CIC: variants seen among roughly 807,000 people sequenced by gnomAD.
The protein encoded by CIC is capicua transcriptional repressor.
In CIC, 18 loss-of-function variants were observed where a neutral mutation model predicts 115.7. The ratio of observed to expected loss-of-function variants is 0.16; its 90% CI spans 0.11 to 0.23. The LOEUF is 0.23. Ranked by LOEUF, CIC falls within the 10% of genes least tolerant of loss-of-function variation. The pLI, the probability that CIC is intolerant of heterozygous loss-of-function variation, is 1.00. For missense variants in CIC, 2,000 were observed against 2,159.3 expected, an observed-to-expected ratio of 0.93 and a Z score of 1.46; for synonymous variants, 1,076 against 923.0, an observed-to-expected ratio of 1.17 and a Z score of -3.01.
At position 42,291,640 on chromosome 19, in the gene CIC, C is replaced by T. The variant is rs61745381; in HGVS notation, c.5508C>T (p.Ala1836=). 995 of 1,612,970 alleles carry T rather than the reference C, an allele frequency of 6.2e-4. 6 individuals carry two copies. The African/African-American group carries it at 0.011, about 17-fold the overall frequency. Residue 1836 remains alanine (A), a synonymous_variant, in exon 12 of 21, where the codon GCC becomes GCT. Coordinates refer to ENST00000681038, the MANE Select transcript of CIC (RefSeq NM_001386298.1). ...CTGGGAAGGTCCTAGTGCCTCTGGCCGCCCCTAGCATGTCAGTGCGGGGTG... is the reference window on the plus strand; with the variant it reads ...CTGGGAAGGTCCTAGTGCCTCTGGCTGCCCCTAGCATGTCAGTGCGGGGTG... ...LLPGKVLVPL[A]APSMSVRGGG...
rs745875948 is a variant in CIC at position 42,272,188 on chromosome 19, G to A, written c.405G>A (p.Gly135=). 2.8e-5 allele frequency: 11 copies of A among 398,870 alleles called. No individual in the cohort carries two copies. Among genetic ancestry groups the A allele is most frequent in the African/African-American group, 1.6e-4 (8 of 48,640 alleles). 24.7% of individuals were successfully genotyped at this position (398,870 alleles called of 1,614,324 possible). Residue 135 remains glycine (G), a synonymous_variant, in exon 2 of 21, where the codon GGG becomes GGA. Transcript: ENST00000681038. ...GAGCTGGCAGCAGTGGGGTGGCTGG[G>A]GCCCCTGAAGAGCGGGTGCGGACCC... ...EHGAGSSGVA[G]APEERVRTPE...
At chr19:42,279,063 T>C (rs775055919) in intron 2 of CIC, among the ~76,000 whole-genome samples, 10 of 152,206 alleles carry the variant, frequency 6.6e-5, no homozygotes, top group Non-Finnish European at 1.3e-4. Flanking sequence ...CCAGCTTCAT[T>C]GAAAGGAGTC....
At position 42,290,685 on chromosome 19, in the gene CIC, G is replaced by C. The variant is rs771715259; in HGVS notation, c.4644G>C (p.Glu1548Asp). 1.9e-6 allele frequency: 3 copies of C among 1,613,140 alleles called. No homozygotes were observed. Among genetic ancestry groups the C allele is most frequent in the Non-Finnish European group, 8.5e-7 (1 of 1,179,936 alleles). Residue 1548 changes from glutamate to aspartate, a missense_variant, in exon 11 of 21, where the codon GAG becomes GAC. Around this residue, in one of 8 missense-constraint regions of CIC, gnomAD observed 1,466 missense variants for 1,390.4 expected, o/e 1.05. Transcript: ENST00000681038. The part of the protein sequence containing the change: ...QTLVLPPNKE[E>D]QEGGGARVPS... The stretch of plus-strand genomic sequence containing the variant: ...TGGTGCTGCCCCCAAACAAGGAGGA[G>C]CAAGAGGGCGGCGGAGCCAGAGTGC...
rs75731187 is a variant in CIC, at chr19:42,288,736, G to T, written c.3659-152G>T. The T allele has an allele frequency of 8.7e-4, 638 of 737,174 alleles. 7 individuals are homozygous for T. The East Asian group carries it at 0.015, about 18-fold the overall frequency. The allele number at this position is 737,174 out of a possible 1,614,324, so 45.7% of individuals were successfully genotyped here. On this transcript the variant is annotated intron_variant, in intron 7 of 20. Transcript: ENST00000681038. ...TCAGCAGGAATGAGATGCTGGACTGGTGGTGGGTGGTGGTTTTTTTTTTTC... is the reference window on the plus strand; with the variant it reads ...TCAGCAGGAATGAGATGCTGGACTGTTGGTGGGTGGTGGTTTTTTTTTTTC...
rs764227616 is a variant in CIC at position 42,291,464 on chromosome 19, A to G, written c.5423A>G (p.Lys1808Arg). ...LQSVPSAPPP[K>R]AQSVSPVQAP... ...TCTGTACCCTCCGCCCCACCCCCCA[A>G]AGGTGAGACCTGGGCCGGGCAGCAC... The change falls in exon 11 of 21, where the codon AAA (lysine) becomes AGA (arginine). Residue 1808 changes from lysine (K) to arginine (R), a missense_variant and splice_region_variant. Coordinates refer to ENST00000681038, the MANE Select transcript of CIC (RefSeq NM_001386298.1). 2 of 1,612,940 alleles carry G rather than the reference A, an allele frequency of 1.2e-6. No homozygotes were observed. Among genetic ancestry groups the G allele is most frequent in the East Asian group, 2.2e-5 (1 of 44,864 alleles).
rs1275919232 is a variant in CIC at position 42,290,869 on chromosome 19, C to G, written c.4828C>G (p.Pro1610Ala). 1 of 1,612,838 alleles carries G rather than the reference C, an allele frequency of 6.2e-7. No homozygotes were observed. The highest frequency in any genetic ancestry group is 8.5e-7 in the Non-Finnish European group (1 of 1,179,730). ...CACCTCTGGCCGGGCTGAGGCGTCTCCAAATGACACAGCAGGTGCCAGGAC... is the reference window on the plus strand; with the variant it reads ...CACCTCTGGCCGGGCTGAGGCGTCTGCAAATGACACAGCAGGTGCCAGGAC... The part of the protein sequence containing the change: ...FPTSGRAEAS[P>A]NDTAGARTEM... Residue 1610 changes from proline to alanine, a missense_variant, in exon 11 of 21, where the codon CCA (proline) becomes GCA (alanine). By Grantham distance (27) the Pro-to-Ala change is conservative. This residue lies in a region of CIC where 1,466 missense variants were observed against 1,390.4 expected (regional missense o/e 1.05). Transcript: ENST00000681038.
rs1195813886 is a variant in CIC at position 42,295,270 on chromosome 19, C to T, written c.*79C>T. On this transcript the variant is annotated 3_prime_UTR_variant, in exon 21 of 21. Coordinates refer to ENST00000681038, the MANE Select transcript of CIC (RefSeq NM_001386298.1). Reference sequence around the variant, plus strand: ...TATGTGGGGGCAGGAAGGTTATCTCCTCCCGGGTAAAGCCATTTCGTCCTC... The same window carrying T: ...TATGTGGGGGCAGGAAGGTTATCTCTTCCCGGGTAAAGCCATTTCGTCCTC... 3 of 1,305,144 alleles carry T rather than the reference C, an allele frequency of 2.3e-6. No individual in the cohort carries two copies. The highest frequency in any genetic ancestry group is 1.5e-5 in the African/African-American group (1 of 68,276). 80.8% of individuals were successfully genotyped at this position (1,305,144 alleles called of 1,614,324 possible). A position where few individuals can be genotyped will look rare whatever the true frequency, so the allele number is the denominator to read the frequency against.
In CIC at chr19:42,293,579, A is replaced by G. The variant is rs774942635; in HGVS notation, c.6523-13A>G. ...CTCAGTGTTCGCCATCTCCCTGCCC[A>G]TCTCCACCCCAGGCCAGCAAATTCC... On this transcript the variant is annotated splice_polypyrimidine_tract_variant and intron_variant, in intron 16 of 20. Transcript: ENST00000681038. 19 of 1,613,620 alleles carry G rather than the reference A, an allele frequency of 1.2e-5. No homozygotes were observed. The highest frequency in any genetic ancestry group is 1.7e-5 in the Admixed American group (1 of 60,008).
rs968289754 is a variant in CIC, at chr19:42,293,126, C to G, written c.6367C>G (p.Arg2123Gly). ...PRQPLEPGPV[R>G]EPTAPESELE... ...GCAGCCTCTGGAGCCTGGCCCAGTC[C>G]GAGAGCCAACTGCCCCAGAGTCTGA... Residue 2123 changes from arginine to glycine, a missense_variant, in exon 16 of 21, where the codon CGA becomes GGA. By Grantham distance (125) the Arg-to-Gly change is moderately radical. Transcript: ENST00000681038. The G allele has an allele frequency of 8.7e-6, 14 of 1,608,268 alleles. No individual in the cohort carries two copies. The highest frequency in any genetic ancestry group is 1.7e-5 in the Admixed American group (1 of 59,186).
chr19:42,283,599 GC>G (rs1461831082), intron 2 of CIC, among the ~76,000 whole-genome samples: 1 of 152,102 alleles, frequency 6.6e-6, no homozygotes, highest in East Asian at 1.9e-4. Flanking sequence ...AGGATGCCTC[GC>G]CCAGCCCTAC....
rs1445399843 is a variant in CIC at position 42,287,177 on chromosome 19, A to C, written c.3116A>C (p.Glu1039Ala). Residue 1039 changes from glutamate to alanine, a missense_variant, in exon 4 of 21, where the codon GAG becomes GCG. By Grantham distance (107) the Glu-to-Ala change is moderately radical. This residue lies in a region of CIC where 222 missense variants were observed against 247.7 expected (regional missense o/e 0.90). Transcript: ENST00000681038. This position sits in a 1 kb window ranked among gnomAD's most constrained non-coding sequence, Gnocchi z 8.7. ...GKGPPPTTEEEASGPPGEPRL... is the reference protein window; with the variant it reads ...GKGPPPTTEEAASGPPGEPRL... ...GGTCCGCCTCCCACCACGGAGGAGG[A>C]GGCCTCCGGCCCCCCAGGAGAGCCC... is the stretch of plus-strand genomic sequence containing the variant. 4.3e-6 allele frequency: 7 copies of C among 1,613,370 alleles called. No individual in the cohort carries two copies. The South Asian group carries it at 6.6e-5, about 15-fold the overall frequency.
At chr19:42,268,892 TCA>T (rs1001607709), upstream of CIC, among the ~76,000 whole-genome samples, 23 of 152,326 alleles carry the variant, frequency 1.5e-4, no homozygotes, top group African/African-American at 5.1e-4. Flanking sequence ...CTACTGTCCC[TCA>T]CAGAGGCTGG....
chr19:42,281,910 G>C (rs990210654), intron 2 of CIC, among the ~76,000 whole-genome samples: 5 of 152,236 alleles, frequency 3.3e-5, no homozygotes, highest in African/African-American at 7.2e-5. Context: ...CAGAAGTCGG[G>C]GATCTGGGGG....
chr19:42,284,414 G>C (rs1218058909), intron 2 of CIC: 1 of 145,438 alleles, frequency 6.9e-6, no homozygotes, highest in Non-Finnish European at 1.5e-5. Context: ...CCCCCGTGCC[G>C]CGCGCCCCGT....
At chr19:42,279,203 A>G (rs10410698) in intron 2 of CIC, among the ~76,000 whole-genome samples, 10,415 of 152,274 alleles carry the variant, frequency 0.068, 424 homozygotes, top group Middle Eastern at 0.16. Flanking sequence ...CCAGATCCAG[A>G]TACTGCCCAC....
At chr19:42,286,604 G>T (rs1381213596) in intron 2 of CIC, among the ~76,000 whole-genome samples, 167 bp from the exon 3 acceptor site, 2 of 148,708 alleles carry the variant, frequency 1.3e-5, no homozygotes, top group East Asian at 4.0e-4. Flanking sequence ...TTTCAGGGAG[G>T]AGTTTTTCCT....
rs778902184 is a variant in CIC at position 42,290,971 on chromosome 19, G to C, written c.4930G>C (p.Ala1644Pro). 6.2e-7 allele frequency: 1 copy of C among 1,613,750 alleles called. No individual in the cohort carries two copies. The highest frequency in any genetic ancestry group is 8.5e-7 in the Non-Finnish European group (1 of 1,180,012). ...CTTAGTGTATTCGGACAAGAAGTCGGCAGCAGCCACCTCACCAGCCCCACA... is the reference window on the plus strand; with the variant it reads ...CTTAGTGTATTCGGACAAGAAGTCGCCAGCAGCCACCTCACCAGCCCCACA... ...VSLVYSDKKS[A>P]AATSPAPHLV... The change falls in exon 11 of 21, where the codon GCA (alanine) becomes CCA (proline). Residue 1644 changes from alanine to proline, a missense_variant. This residue lies in a region of CIC where 1,466 missense variants were observed against 1,390.4 expected (regional missense o/e 1.05). Transcript: ENST00000681038.
Position 42,286,941 on chromosome 19 carries a change from G to A in CIC, c.2944+21G>A, listed in dbSNP as rs754388530. The A allele has an allele frequency of 3.7e-6, 6 of 1,609,394 alleles. No individual in the cohort carries two copies. The Admixed American group carries it at 1.0e-4, about 27-fold the overall frequency. On this transcript the variant is annotated intron_variant, in intron 3 of 20. Coordinates refer to ENST00000681038, the MANE Select transcript of CIC (RefSeq NM_001386298.1). ...CAAAGGTGAGGGCTGGTGGGGACTG[G>A]GGGGAGGCAAGGGTGTGGGGTCCAG...
rs760429114 is a variant in CIC at position 42,292,559 on chromosome 19, C to T, written c.5903-7C>T. The T allele has an allele frequency of 3.7e-6, 6 of 1,612,898 alleles. No individual in the cohort carries two copies. Among genetic ancestry groups the T allele is most frequent in the Admixed American group, 3.3e-5 (2 of 59,990 alleles). ...TGGTCTCCTGCTTCTTCTTCTCTGT[C>T]TTTCAGCAGGCCAAGCCCCACTGCT... On this transcript the variant is annotated splice_region_variant and splice_polypyrimidine_tract_variant and intron_variant, in intron 14 of 20. Transcript: ENST00000681038.
Sources: gnomAD v4.1 joint callset for allele counts (sites outside exome capture counted in the v4.1 genomes callset) on GRCh38, gnomAD v4.1.1 for gene constraint, gnomAD v4.1.1 regional missense constraint, Gnocchi (gnomAD v3.1) non-coding constraint, MANE v1.5 for transcripts, NCBI Gene and HGNC (gene_info 2026-07-23, HGNC 2026-07-21) for gene names.